The following SAMMSON variants were observed in gnomAD, a reference collection of about 807,000 sequenced individuals.
The protein encoded by SAMMSON is long intergenic non-protein coding RNA 1212.
At chr3:70,395,554 G>A (rs9831386) in intron 2 of SAMMSON, among the ~76,000 whole-genome samples, 18,462 of 151,828 alleles carry the variant, frequency 0.12, 1,369 homozygotes, top group East Asian at 0.38. Flanking sequence ...TTGGCTTTCC[G>A]GTTATTACTC....
At chr3:70,105,906 A>T (rs1342965744) in intron 4 of SAMMSON, among the ~76,000 whole-genome samples, 1 of 151,986 alleles carries the variant, frequency 6.6e-6, no homozygotes, top group Non-Finnish European at 1.5e-5. Flanking sequence ...CTTCATTCCA[A>T]CTCTGTCATG....
intron 4 of SAMMSON, among the ~76,000 whole-genome samples, chr3:70,237,581 T>C (rs756339355): frequency 7.9e-5 from 12 of 152,232 alleles, no homozygotes; most frequent in Admixed American, 3.9e-4. Flanking sequence ...GGACAGGCTC[T>C]AATGTTTTTA....
intron 9 of SAMMSON, among the ~76,000 whole-genome samples, chr3:70,378,978 CTTTTATTT>C (rs1322227086): frequency 7.0e-6 from 1 of 142,988 alleles, no homozygotes; most frequent in Non-Finnish European, 1.5e-5. Context: ...TATACTTACA[CTTTTATTT>C]ATTTATTTAT....
chr3:70,353,298 TACTG>T (rs1488180973), intron 7 of SAMMSON, among the ~76,000 whole-genome samples: 1 of 152,070 alleles, frequency 6.6e-6, no homozygotes, highest in Non-Finnish European at 1.5e-5. Flanking sequence ...TCAAGCTACT[TACTG>T]AGAGAGAATG....
intron 3 of SAMMSON, among the ~76,000 whole-genome samples, chr3:70,050,943 C>T (rs1430144878): frequency 6.6e-6 from 1 of 151,646 alleles, no homozygotes; most frequent in African/African-American, 2.4e-5. Context: ...CAAGACCAGC[C>T]TGGCCAACAT....
chr3:70,054,768 C>T (rs551926171), intron 3 of SAMMSON, among the ~76,000 whole-genome samples: 3 of 152,138 alleles, frequency 2.0e-5, no homozygotes, highest in South Asian at 2.1e-4. Flanking sequence ...GGACTGTGGT[C>T]AGCTAGAAAA....
chr3:70,311,212 C>T (rs910111700), intron 7 of SAMMSON, among the ~76,000 whole-genome samples: 3 of 152,136 alleles, frequency 2.0e-5, no homozygotes, highest in Admixed American at 1.3e-4. Context: ...AAAGACGCAG[C>T]ATACCTATTT....
intron 4 of SAMMSON, among the ~76,000 whole-genome samples, chr3:70,127,963 T>C (rs960908036): frequency 2.6e-5 from 4 of 152,178 alleles, no homozygotes; most frequent in Admixed American, 2.0e-4. Context: ...TTATAGATGA[T>C]AGTTCATACT....
chr3:70,426,902 T>C (rs1003723039), intron 2 of SAMMSON, among the ~76,000 whole-genome samples: 12 of 152,206 alleles, frequency 7.9e-5, no homozygotes, highest in Admixed American at 7.9e-4. Flanking sequence ...CTGAGCTCAT[T>C]TCTGGATCAC....
intron 2 of SAMMSON, among the ~76,000 whole-genome samples, chr3:70,429,128 G>A (rs1343312285): frequency 1.3e-5 from 2 of 152,110 alleles, no homozygotes; most frequent in East Asian, 3.9e-4. Context: ...AATCCATCTT[G>A]AGTTAATTTT....
intron 4 of SAMMSON, among the ~76,000 whole-genome samples, chr3:70,141,148 A>T (rs1318991666): frequency 1.3e-5 from 2 of 152,168 alleles, no homozygotes; most frequent in Non-Finnish European, 2.9e-5. Flanking sequence ...CCACTTCTTG[A>T]CACAAAAATC....
intron 4 of SAMMSON, among the ~76,000 whole-genome samples, chr3:70,108,552 C>T (rs1311734602): frequency 2.0e-5 from 3 of 151,454 alleles, no homozygotes; most frequent in Admixed American, 2.0e-4. Flanking sequence ...TGTTCCCCTC[C>T]ACCACCCAAA....
At chr3:70,338,617 A>G (rs1432872671) in intron 7 of SAMMSON, among the ~76,000 whole-genome samples, 1 of 152,190 alleles carries the variant, frequency 6.6e-6, no homozygotes, top group African/African-American at 2.4e-5. Context: ...ACAGACAAAC[A>G]GAGAGCCAAA....
chr3:70,017,454 A>G (rs994177545), intron 3 of SAMMSON, among the ~76,000 whole-genome samples: 1 of 152,098 alleles, frequency 6.6e-6, no homozygotes, highest in Non-Finnish European at 1.5e-5. Flanking sequence ...ACTTTGCTGA[A>G]GTTGCCTATC....
At chr3:70,358,539 AG>A (rs761397545) in intron 9 of SAMMSON, among the ~76,000 whole-genome samples, 51 of 152,256 alleles carry the variant, frequency 3.3e-4, no homozygotes, top group Non-Finnish European at 4.3e-4. Flanking sequence ...CTCTTTGAAA[AG>A]AAACAGATGG....
chr3:70,141,128 A>G (rs1347477169), intron 4 of SAMMSON, among the ~76,000 whole-genome samples: 1 of 152,156 alleles, frequency 6.6e-6, no homozygotes, highest in African/African-American at 2.4e-5. Flanking sequence ...CATTTGTTAC[A>G]GCAACATGCC....
chr3:70,156,063 C>T (rs868283202), intron 4 of SAMMSON, among the ~76,000 whole-genome samples: 8 of 151,972 alleles, frequency 5.3e-5, no homozygotes, highest in South Asian at 2.1e-4. Flanking sequence ...AGACTCAAAA[C>T]GAACCCTCTG....
intron 4 of SAMMSON, among the ~76,000 whole-genome samples, chr3:70,182,588 T>G (rs559764576): frequency 1.3e-5 from 2 of 152,240 alleles, no homozygotes. Context: ...AGACGAAGCT[T>G]TTGGAAATTT....
At chr3:70,118,018 C>T (rs1047699827) in intron 4 of SAMMSON, among the ~76,000 whole-genome samples, 1 of 152,070 alleles carries the variant, frequency 6.6e-6, no homozygotes, top group African/African-American at 2.4e-5. Flanking sequence ...CCCGGGTTCA[C>T]ACCACTCTCC....
Sources: allele counts gnomAD v4.1 joint callset (sites outside exome capture counted in the v4.1 genomes callset), GRCh38; gene constraint gnomAD v4.1.1; transcripts MANE v1.5; gene names NCBI Gene and HGNC (gene_info 2026-07-23, HGNC 2026-07-21).